Variants in SNX29 observed in about 807,000 individuals in gnomAD.
The protein encoded by SNX29 is sorting nexin-29.
SNX29 carries 78 observed loss-of-function variants against 102.1 expected under a neutral mutation model. The ratio of observed to expected loss-of-function variants is 0.76; its 90% confidence interval spans 0.64 to 0.92. The LOEUF is 0.92. Ranked by LOEUF, SNX29 falls within the 40% of genes least tolerant of loss-of-function variation. The pLI, the probability that SNX29 is intolerant of heterozygous loss-of-function variation, is 0.00. For missense variants in SNX29, 1,280 were observed against 1,061.7 expected, an observed-to-expected ratio of 1.21 and a Z score of -2.86; for synonymous variants, 580 against 414.5, an observed-to-expected ratio of 1.40 and a Z score of -4.85.
intron 3 of SNX29, among the ~76,000 whole-genome samples, chr16:12,007,734 C>A (rs926035939): frequency 6.6e-6 from 1 of 152,124 alleles, no homozygotes; most frequent in African/African-American, 2.4e-5. Flanking sequence ...GCCTTAGGCT[C>A]TTCCCATTCG....
At chr16:12,158,753 G>T (rs1321450814) in intron 13 of SNX29, among the ~76,000 whole-genome samples, 2 of 152,204 alleles carry the variant, frequency 1.3e-5, no homozygotes, top group Non-Finnish European at 2.9e-5. Flanking sequence ...ATTTCCTGCC[G>T]TGTGACCTCA....
Position 12,571,863 on chromosome 16 carries a change from G to A in SNX29, c.*3234G>A, listed in dbSNP as rs202010384. ...ATGCTCCAATCACGTTGCTGGCAAGGCATTTTAGAGTTTGGAGCTGAGGTT... is the reference window on the plus strand; with the variant it reads ...ATGCTCCAATCACGTTGCTGGCAAGACATTTTAGAGTTTGGAGCTGAGGTT... On this transcript the variant is annotated 3_prime_UTR_variant, in exon 21 of 21. Transcript: ENST00000566228. 1.3e-4 allele frequency: 136 copies of A among 1,061,102 alleles called. No individual in the cohort carries two copies. The East Asian group carries it at 3.1e-3, about 24-fold the overall frequency. The allele number at this position is 1,061,102 out of a possible 1,614,324, so 65.7% of individuals were successfully genotyped here. A position where few individuals can be genotyped will look rare whatever the true frequency, so the allele number is the denominator to read the frequency against.
intron 20 of SNX29, among the ~76,000 whole-genome samples, chr16:12,567,795 C>T (rs935099940): frequency 3.9e-5 from 6 of 152,134 alleles, no homozygotes; most frequent in South Asian, 2.1e-4. Context: ...GCAACCACAT[C>T]ACAGGACTTC....
chr16:12,389,602 T>G (rs1466802282), intron 16 of SNX29, among the ~76,000 whole-genome samples: 2 of 152,298 alleles, frequency 1.3e-5, no homozygotes, highest in East Asian at 3.9e-4. Flanking sequence ...GAGAACAGAT[T>G]AATACAAGAA....
chr16:12,176,924 G>A (rs141848928), intron 13 of SNX29, among the ~76,000 whole-genome samples: 118 of 151,716 alleles, frequency 7.8e-4, no homozygotes, highest in African/African-American at 2.7e-3. Context: ...TCCTGGGGTC[G>A]GGCTGTTCAG....
At chr16:12,430,199 C>A (rs1202918129) in intron 18 of SNX29, among the ~76,000 whole-genome samples, 1 of 151,766 alleles carries the variant, frequency 6.6e-6, no homozygotes, top group East Asian at 1.9e-4. Context: ...ACCATCAGTT[C>A]CCCCCCCAGC....
intron 18 of SNX29, among the ~76,000 whole-genome samples, chr16:12,432,802 A>G (rs948401585): frequency 6.6e-6 from 1 of 152,240 alleles, no homozygotes; most frequent in Non-Finnish European, 1.5e-5. Context: ...TCACAGAATG[A>G]AGTGTAGGGG....
At chr16:12,126,568 A>G in intron 11 of SNX29, 65 bp from the exon 12 acceptor site, 1 of 1,516,610 alleles carries the variant, frequency 6.6e-7, no homozygotes, top group Non-Finnish European at 9.1e-7. Context: ...TAATCCAGAG[A>G]GGTGAGGGCA....
At chr16:12,190,195 G>GC (rs1256175104) in intron 13 of SNX29, among the ~76,000 whole-genome samples, 1 of 152,078 alleles carries the variant, frequency 6.6e-6, no homozygotes, top group Non-Finnish European at 1.5e-5. Flanking sequence ...AAGGACCCTG[G>GC]CCTAGTGCTG....
intron 20 of SNX29, among the ~76,000 whole-genome samples, chr16:12,540,539 C>G (rs1202522620): frequency 6.6e-6 from 1 of 152,230 alleles, no homozygotes. Flanking sequence ...TCGCGGCTTC[C>G]TGGCAGCCAC....
intron 14 of SNX29, among the ~76,000 whole-genome samples, chr16:12,260,476 T>C (rs142527362): frequency 0.034 from 5,115 of 152,066 alleles, 117 homozygotes; most frequent in South Asian, 0.067. Flanking sequence ...GCCCATGTTA[T>C]CTGTTGTTGT....
chr16:12,560,398 C>T (rs559714752), intron 20 of SNX29, among the ~76,000 whole-genome samples: 2 of 152,178 alleles, frequency 1.3e-5, no homozygotes, highest in Admixed American at 6.5e-5. Context: ...TTCTTTAATC[C>T]CCAAAAGCCA....
chr16:12,314,708 A>C (rs111328852), intron 15 of SNX29, among the ~76,000 whole-genome samples: 2 of 152,236 alleles, frequency 1.3e-5, no homozygotes, highest in African/African-American at 4.8e-5. Flanking sequence ...TGGATTTTAT[A>C]ACACTAAATC....
Position 12,129,765 on chromosome 16 carries a change from G to C in SNX29, c.1595+7G>C. On this transcript the variant is annotated splice_region_variant and intron_variant, in intron 13 of 20. Coordinates refer to ENST00000566228, the MANE Select transcript of SNX29 (RefSeq NM_032167.5). Reference sequence around the variant, plus strand: ...AGGTCCAGGCGCTGGCCAGGTAGGAGAGGGTGAGGGATGGAGAGGTAAGCA... The same window carrying C: ...AGGTCCAGGCGCTGGCCAGGTAGGACAGGGTGAGGGATGGAGAGGTAAGCA... 6.2e-7 allele frequency: 1 copy of C among 1,601,906 alleles called. No homozygotes were observed. The highest frequency in any genetic ancestry group is 8.5e-7 in the Non-Finnish European group (1 of 1,175,000).
chr16:12,248,775 C>T (rs1377232004), intron 14 of SNX29, among the ~76,000 whole-genome samples: 1 of 151,806 alleles, frequency 6.6e-6, no homozygotes, highest in Non-Finnish European at 1.5e-5. Context: ...GCACTTCTGG[C>T]ACTGCTTTAT....
chr16:12,328,853 G>T (rs750980568), intron 15 of SNX29, among the ~76,000 whole-genome samples: 2 of 152,092 alleles, frequency 1.3e-5, no homozygotes, highest in African/African-American at 2.4e-5. Flanking sequence ...TGAGAATGCT[G>T]GCTGAAGGTA....
In SNX29 at chr16:12,098,558, C is replaced by T. The variant is rs370334153; in HGVS notation, c.1402+19643C>T. The stretch of plus-strand genomic sequence containing the variant: ...ACACCGTCGGTTTCATGTGCGCAGA[C>T]GATTCAGTTTCATGCGCGCCCGATT... On this transcript the variant is annotated intron_variant, in intron 11 of 20. Coordinates refer to ENST00000566228, the MANE Select transcript of SNX29 (RefSeq NM_032167.5). This position sits in a 1 kb window ranked among gnomAD's most constrained non-coding sequence, Gnocchi z 6.0. Among the ~76,000 whole-genome samples the T allele has an allele frequency of 9.9e-5, 15 of 152,262 alleles. No individual in the cohort carries two copies. Among genetic ancestry groups the T allele is most frequent in the East Asian group, 7.7e-4 (4 of 5,184 alleles).
At chr16:12,523,854 A>G (rs2090193416) in intron 19 of SNX29, among the ~76,000 whole-genome samples, 1 of 152,040 alleles carries the variant, frequency 6.6e-6, no homozygotes, top group African/African-American at 2.4e-5. Flanking sequence ...GTATGGCCCT[A>G]TGGGTGGGGC....
chr16:12,052,626 C>G, intron 8 of SNX29: 2 of 220,804 alleles, frequency 9.1e-6, no homozygotes, highest in Non-Finnish European at 1.8e-5. Context: ...ATTCATTCTT[C>G]AGGTGTTGAT....
Sources: allele counts gnomAD v4.1 joint callset (sites outside exome capture counted in the v4.1 genomes callset), GRCh38; gene constraint gnomAD v4.1.1; non-coding constraint Gnocchi (gnomAD v3.1); transcripts MANE v1.5; gene names NCBI Gene and HGNC (gene_info 2026-07-23, HGNC 2026-07-21).